PRRC2B: variants seen among roughly 807,000 people sequenced by gnomAD.
PRRC2B encodes the protein protein PRRC2B.
A neutral mutation model predicts 242.3 loss-of-function variants in PRRC2B; 68 were observed. The observed-to-expected ratio is 0.28, with a 90% CI of 0.23 to 0.34. The LOEUF is 0.34. Ranked by LOEUF, PRRC2B falls within the 10% of genes least tolerant of loss-of-function variation. The pLI, the probability that PRRC2B is intolerant of heterozygous loss-of-function variation, is 1.00. For missense variants in PRRC2B, 2,835 were observed against 2,954.8 expected (o/e 0.96, Z 0.94); for synonymous variants, 1,228 against 1,173.6 (o/e 1.05, Z -0.95).
At chr9:131,449,464 AT>A (rs1942844995) in intron 9 of PRRC2B, among the ~76,000 whole-genome samples, 1 of 151,866 alleles carries the variant, frequency 6.6e-6, no homozygotes, top group African/African-American at 2.4e-5. Flanking sequence ...TGTGTTTTTA[AT>A]TTTAGTCATT....
intron 12 of PRRC2B, among the ~76,000 whole-genome samples, chr9:131,465,879 G>A (rs966003855): frequency 1.1e-4 from 17 of 152,086 alleles, no homozygotes; most frequent in African/African-American, 3.1e-4. Flanking sequence ...CGTGTGCCAC[G>A]ACGCCCAGCT....
rs1838224315 is a variant in PRRC2B, at chr9:131,432,861, G to A, written c.293+67G>A. 5 of 1,541,296 alleles carry A rather than the reference G, an allele frequency of 3.2e-6. No homozygotes were observed. In the African/African-American group the frequency reaches 6.8e-5, roughly 21 times the overall value. ...AAGGGTGGTCCCGGCATCCTTCCCT[G>A]TGGCAAACTAACCCTAACCCTTTGG... On this transcript the variant is annotated intron_variant, in intron 3 of 31. Coordinates refer to ENST00000683519, the MANE Select transcript of PRRC2B (RefSeq NM_013318.4).
At chr9:131,447,272 G>C in intron 8 of PRRC2B, 66 bp downstream of exon 8, 3 of 1,585,506 alleles carry the variant, frequency 1.9e-6, no homozygotes, top group Non-Finnish European at 2.6e-6. Context: ...GTCAAGATGA[G>C]GGGCTGATGA....
At chr9:131,430,374 G>T in intron 2 of PRRC2B, 115 bp downstream of exon 2, 1 of 598,774 alleles carries the variant, frequency 1.7e-6, no homozygotes, top group Non-Finnish European at 3.0e-6. Context: ...CAGGCTTCTG[G>T]GTGTGCATGT....
At position 131,474,442 on chromosome 9, in the gene PRRC2B, G is replaced by C; in HGVS notation, c.2325-12G>C. ...CCAATCGCATTGACTGATTTTTCTGGTTCCTTTTCAGGAATGAAAGCTCTT... is the reference window on the plus strand; with the variant it reads ...CCAATCGCATTGACTGATTTTTCTGCTTCCTTTTCAGGAATGAAAGCTCTT... On this transcript the variant is annotated splice_polypyrimidine_tract_variant and intron_variant, in intron 15 of 31. Transcript: ENST00000683519. The C allele has an allele frequency of 6.3e-7, 1 of 1,592,212 alleles. No individual in the cohort carries two copies. Among genetic ancestry groups the C allele is most frequent in the Non-Finnish European group, 8.6e-7 (1 of 1,167,400 alleles).
intron 1 of PRRC2B, among the ~76,000 whole-genome samples, chr9:131,376,005 C>T (rs565272490): frequency 2.4e-4 from 34 of 142,342 alleles, no homozygotes; most frequent in African/African-American, 9.1e-4. Context: ...GCTGAGATCT[C>T]GCCACTGCAC....
chr9:131,491,124 T>G, intron 28 of PRRC2B: 1 of 350,424 alleles, frequency 2.9e-6, no homozygotes, highest in Non-Finnish European at 5.2e-6. Context: ...TTAGCAGAGA[T>G]GTGGATGAGA....
chr9:131,488,424 TG>T, intron 28 of PRRC2B, among the ~76,000 whole-genome samples: 2 of 152,270 alleles, frequency 1.3e-5, no homozygotes, highest in African/African-American at 4.8e-5. Flanking sequence ...CCACTGTGCC[TG>T]GCTAATTTTT....
intron 30 of PRRC2B, among the ~76,000 whole-genome samples, chr9:131,493,856 T>C (rs1355137019): frequency 6.6e-6 from 1 of 151,960 alleles, no homozygotes; most frequent in African/African-American, 2.4e-5. Context: ...CACTTAGGCT[T>C]TTTGACCGCA....
chr9:131,470,953 G>T lies in PRRC2B; in HGVS notation c.2077G>T (p.Asp693Tyr). 1 of 1,612,494 alleles carries T rather than the reference G, an allele frequency of 6.2e-7. No individual in the cohort carries two copies. The highest frequency in any genetic ancestry group is 1.3e-5 in the African/African-American group (1 of 74,936). Reference protein sequence around the residue: ...PRITPTRTPVDFYPSALHPSG... With the variant: ...PRITPTRTPVYFYPSALHPSG... Reference sequence around the variant, plus strand: ...TATCACGCCCACTCGGACCCCGGTGGACTTCTACCCCTCCGCCCTGCATCC... The same window carrying T: ...TATCACGCCCACTCGGACCCCGGTGTACTTCTACCCCTCCGCCCTGCATCC... Residue 693 changes from aspartate (D) to tyrosine (Y), a missense_variant, in exon 14 of 32, where the codon GAC (aspartate) becomes TAC (tyrosine). This residue lies in a region of PRRC2B where 1,536 missense variants were observed against 1,483.1 expected (regional missense o/e 1.04). Coordinates refer to ENST00000683519, the MANE Select transcript of PRRC2B (RefSeq NM_013318.4).
In PRRC2B at chr9:131,419,906, G is replaced by A. The variant is rs189718242; in HGVS notation, c.-51-10188G>A. 9.6e-3 allele frequency among the ~76,000 whole-genome samples: 1,458 copies of A among 152,070 alleles called. 32 individuals are homozygous for A. The highest frequency in any genetic ancestry group is 0.033 in the African/African-American group (1,378 of 41,416). On this transcript the variant is annotated intron_variant, in intron 1 of 31. Coordinates refer to ENST00000683519, the MANE Select transcript of PRRC2B (RefSeq NM_013318.4). ...GGGGGGTGATGTGGAAGGTGTGTGA[G>A]CAGGTGCTCCCCGTGGTCTGTGTTG...
chr9:131,474,671 C>G lies in PRRC2B; in HGVS notation c.2542C>G (p.Gln848Glu), dbSNP rs1431040458. ...TGCAGGTGCTCCTGGGGGTCACACCCAAAACCTCAGGTGTTCCCCATTGGA... is the reference window on the plus strand; with the variant it reads ...TGCAGGTGCTCCTGGGGGTCACACCGAAAACCTCAGGTGTTCCCCATTGGA... Reference protein sequence around the residue: ...QDAGAPGGHTQNLRCSPLEPD... With the variant: ...QDAGAPGGHTENLRCSPLEPD... The change falls in exon 16 of 32, where the codon CAA (glutamine) becomes GAA (glutamate). Residue 848 changes from glutamine (Q) to glutamate (E), a missense_variant. Gln to Glu is a conservative substitution (Grantham distance 29). Transcript: ENST00000683519. 1.2e-6 allele frequency: 2 copies of G among 1,613,436 alleles called. No homozygotes were observed. The highest frequency in any genetic ancestry group is 1.3e-5 in the African/African-American group (1 of 75,044).
chr9:131,384,576 GC>G (rs1164710907), intron 1 of PRRC2B, among the ~76,000 whole-genome samples: 2 of 151,952 alleles, frequency 1.3e-5, no homozygotes, highest in Admixed American at 6.6e-5. Flanking sequence ...GAGCCACTGC[GC>G]CCGGCCTAAT....
intron 13 of PRRC2B, 25 bp downstream of exon 13, chr9:131,467,778 CTG>C: frequency 6.8e-6 from 11 of 1,610,840 alleles, no homozygotes; most frequent in African/African-American, 1.3e-5. Flanking sequence ...TGGTAAAAGA[CTG>C]TGATAAACAG....
intron 23 of PRRC2B, among the ~76,000 whole-genome samples, chr9:131,483,893 G>A (rs1447487391): frequency 1.3e-5 from 2 of 152,306 alleles, no homozygotes; most frequent in African/African-American, 4.8e-5. Context: ...TGGCCACTCG[G>A]GGCTGCAGCT....
chr9:131,465,547 ATC>A (rs1943371986), intron 12 of PRRC2B, among the ~76,000 whole-genome samples: 1 of 152,184 alleles, frequency 6.6e-6, no homozygotes, highest in African/African-American at 2.4e-5. Flanking sequence ...GAAACCATGC[ATC>A]TACTCACTGA....
chr9:131,428,490 G>A (rs751934747), intron 1 of PRRC2B, among the ~76,000 whole-genome samples: 16 of 152,252 alleles, frequency 1.1e-4, no homozygotes, highest in Admixed American at 7.2e-4. Flanking sequence ...TCTGCCTCCC[G>A]GCTTCAAGCA....
In PRRC2B at chr9:131,495,459, C is replaced by T. The variant is rs903352005; in HGVS notation, c.6556-281C>T. 1.8e-4 allele frequency among the ~76,000 whole-genome samples: 27 copies of T among 152,130 alleles called. 1 individual carries two copies. The highest frequency in any genetic ancestry group is 9.8e-4 in the Admixed American group (15 of 15,282). ...GCCTTGGGACCAGAACTGCTTCCGC[C>T]CTGGGATGTGCCATCGCGGAATTCT... On this transcript the variant is annotated intron_variant, in intron 31 of 31. Coordinates refer to ENST00000683519, the MANE Select transcript of PRRC2B (RefSeq NM_013318.4).
At chr9:131,409,311 C>T (rs778110334) in intron 1 of PRRC2B, among the ~76,000 whole-genome samples, 2 of 151,530 alleles carry the variant, frequency 1.3e-5, no homozygotes, top group African/African-American at 2.4e-5. Context: ...CGTGAGCCAC[C>T]GCACCTTACA....
Sources: allele counts gnomAD v4.1 joint callset (sites outside exome capture counted in the v4.1 genomes callset), GRCh38; gene constraint gnomAD v4.1.1; regional missense constraint gnomAD v4.1.1; transcripts MANE v1.5; gene names NCBI Gene and HGNC (gene_info 2026-07-23, HGNC 2026-07-21).